The following SCUBE3 variants were observed in gnomAD, a reference collection of about 807,000 sequenced individuals.
SCUBE3 encodes signal peptide, CUB and EGF-like domain-containing protein 3.
In SCUBE3, 33 loss-of-function variants were observed where a neutral mutation model predicts 116.8. The observed-to-expected ratio is 0.28, with a 90% CI of 0.21 to 0.38. The LOEUF is 0.38. Ranked by LOEUF, SCUBE3 falls within the 10% of genes least tolerant of loss-of-function variation. The pLI is 1.00. For synonymous variants in SCUBE3, 418 were observed against 496.9 expected, an observed-to-expected ratio of 0.84 and a Z score of 2.11; for missense variants, 1,007 against 1,324.8, an observed-to-expected ratio of 0.76 and a Z score of 3.72.
chr6:35,231,870 G>C lies in SCUBE3; in HGVS notation c.469+11G>C. Reference sequence around the variant, plus strand: ...TCCAGCGGCCAGAAGGTCAGCCCATGACCTGGGATGGCCCCATCCCTGCCC... The same window carrying C: ...TCCAGCGGCCAGAAGGTCAGCCCATCACCTGGGATGGCCCCATCCCTGCCC... On this transcript the variant is annotated intron_variant, in intron 4 of 21. Transcript: ENST00000274938. The surrounding 1 kb of genome is among the most constrained non-coding windows in gnomAD (Gnocchi z 4.2). The C allele has an allele frequency of 6.2e-7, 1 of 1,602,436 alleles. No individual in the cohort carries two copies. Among genetic ancestry groups the C allele is most frequent in the Non-Finnish European group, 8.5e-7 (1 of 1,171,426 alleles).
Position 35,241,352 on chromosome 6 carries a change from GGGAAAGGTGTGAGGT to G in SCUBE3, c.1195+94_1195+108del, listed in dbSNP as rs1784036291. On this transcript the variant is annotated intron_variant, in intron 10 of 21. Coordinates refer to ENST00000274938, the MANE Select transcript of SCUBE3 (RefSeq NM_152753.4). The surrounding 1 kb of genome is among the most constrained non-coding windows in gnomAD (Gnocchi z 4.1). ...CTGGAAAGCATAGAGTATCACATTG[GGGAAAGGTGTGAGGT>G]GGAAAGGGTGGAGAATGTAGCCATT... is the stretch of plus-strand genomic sequence containing the variant. 4.2e-6 allele frequency: 6 copies of G among 1,445,392 alleles called. No homozygotes were observed. In the Middle Eastern group the frequency reaches 5.5e-4, roughly 132 times the overall value. The allele number at this position is 1,445,392 out of a possible 1,614,324, so 89.5% of individuals were successfully genotyped here.
intron 12 of SCUBE3, 136 bp downstream of exon 12, chr6:35,242,046 C>G: frequency 1.2e-6 from 1 of 838,032 alleles, no homozygotes; most frequent in Non-Finnish European, 2.0e-6. Flanking sequence ...ACCCTGCTCC[C>G]TCACTCCCTC....
In SCUBE3 at chr6:35,241,081, C is replaced by T; in HGVS notation, c.1070-60C>T. 2.0e-6 allele frequency: 3 copies of T among 1,532,210 alleles called. No individual in the cohort carries two copies. The allele number at this position is 1,532,210 out of a possible 1,614,324, so 94.9% of individuals were successfully genotyped here. A position where few individuals can be genotyped will look rare whatever the true frequency, so the allele number is the denominator to read the frequency against. ...ACCAAAGGCCCTCACTCACTGCCTA[C>T]TCTCCGGCTCCTCCTCCAACTCCAT... On this transcript the variant is annotated intron_variant, in intron 9 of 21. Transcript: ENST00000274938. This position sits in a 1 kb window ranked among gnomAD's most constrained non-coding sequence, Gnocchi z 4.1.
At position 35,239,079 on chromosome 6, in the gene SCUBE3, C is replaced by T. The variant is rs1312830900; in HGVS notation, c.830-673C>T. Among the ~76,000 whole-genome samples the T allele has an allele frequency of 6.6e-6, 1 of 152,138 alleles. No homozygotes were observed. The highest frequency in any genetic ancestry group is 1.5e-5 in the Non-Finnish European group (1 of 68,006). Reference sequence around the variant, plus strand: ...GGGGAACTTGACCTCAGGAAGGAAGCCATTCACCAGCCCCCCTTTCCCTTA... The same window carrying T: ...GGGGAACTTGACCTCAGGAAGGAAGTCATTCACCAGCCCCCCTTTCCCTTA... On this transcript the variant is annotated intron_variant, in intron 7 of 21. Coordinates refer to ENST00000274938, the MANE Select transcript of SCUBE3 (RefSeq NM_152753.4). This position sits in a 1 kb window ranked among gnomAD's most constrained non-coding sequence, Gnocchi z 4.1.
chr6:35,235,533 G>C lies in SCUBE3; in HGVS notation c.712+2232G>C. Reference sequence around the variant, plus strand: ...TCTCTCCGCTTGCTCTCACTGGCTTGCTAGGGGAAGGGCTAACCCGCTGGG... The same window carrying C: ...TCTCTCCGCTTGCTCTCACTGGCTTCCTAGGGGAAGGGCTAACCCGCTGGG... On this transcript the variant is annotated intron_variant, in intron 6 of 21. Coordinates refer to ENST00000274938, the MANE Select transcript of SCUBE3 (RefSeq NM_152753.4). The surrounding 1 kb of genome is among the most constrained non-coding windows in gnomAD (Gnocchi z 4.5). The C allele has an allele frequency of 8.4e-7, 1 of 1,188,734 alleles. No individual in the cohort carries two copies. The highest frequency in any genetic ancestry group is 1.1e-6 in the Non-Finnish European group (1 of 896,558). 73.6% of individuals were successfully genotyped at this position (1,188,734 alleles called of 1,614,324 possible). A position where few individuals can be genotyped will look rare whatever the true frequency, so the allele number is the denominator to read the frequency against.
At chr6:35,242,416 A>G in intron 13 of SCUBE3, 96 bp downstream of exon 13, 1 of 1,011,274 alleles carries the variant, frequency 9.9e-7, no homozygotes, top group Non-Finnish European at 1.6e-6. Flanking sequence ...CAGAACCCTG[A>G]ACTCTAGGCA....
intron 14 of SCUBE3, 25 bp from the exon 15 acceptor site, chr6:35,242,996 G>C: frequency 6.2e-7 from 1 of 1,609,620 alleles, no homozygotes; most frequent in South Asian, 1.1e-5. Flanking sequence ...TCTCCTCCCT[G>C]ATACACACGG....
At chr6:35,248,219 C>T (rs1323844211) in intron 21 of SCUBE3, among the ~76,000 whole-genome samples, 1 of 152,162 alleles carries the variant, frequency 6.6e-6, no homozygotes, top group East Asian at 1.9e-4. Context: ...TACTCCAAGT[C>T]AGAGACAGTG....
chr6:35,239,574 A>G lies in SCUBE3; in HGVS notation c.830-178A>G, dbSNP rs531096864. On this transcript the variant is annotated intron_variant, in intron 7 of 21. Coordinates refer to ENST00000274938, the MANE Select transcript of SCUBE3 (RefSeq NM_152753.4). The surrounding 1 kb of genome is among the most constrained non-coding windows in gnomAD (Gnocchi z 4.1). ...CCCTGAACAGGGAAGAAACAGAGACAGGAAAGAGAGAGAGAGACAGGAAAG... is the reference window on the plus strand; with the variant it reads ...CCCTGAACAGGGAAGAAACAGAGACGGGAAAGAGAGAGAGAGACAGGAAAG... Among the ~76,000 whole-genome samples the G allele has an allele frequency of 6.6e-6, 1 of 152,304 alleles. No individual in the cohort carries two copies. The highest frequency in any genetic ancestry group is 2.1e-4 in the South Asian group (1 of 4,826).
rs1424341703 is a variant in SCUBE3 at position 35,232,451 on chromosome 6, T to A, written c.470-399T>A. Among the ~76,000 whole-genome samples, 93 of 152,228 alleles carry A rather than the reference T, an allele frequency of 6.1e-4. 1 individual carries two copies. In the South Asian group the frequency reaches 0.019, roughly 31 times the overall value. Reference sequence around the variant, plus strand: ...CTCTCATTGTAGATCTGATTGCTACTGATCTTCTTCCCAGTTTGACTGTAA... The same window carrying A: ...CTCTCATTGTAGATCTGATTGCTACAGATCTTCTTCCCAGTTTGACTGTAA... On this transcript the variant is annotated intron_variant, in intron 4 of 21. Coordinates refer to ENST00000274938, the MANE Select transcript of SCUBE3 (RefSeq NM_152753.4). This position sits in a 1 kb window ranked among gnomAD's most constrained non-coding sequence, Gnocchi z 4.2.
rs983595085 is a variant in SCUBE3, at chr6:35,218,099, A to G, written c.85+3596A>G. Reference sequence around the variant, plus strand: ...AGAAGACAGTCATCAGCAGCCCTCAAATGAGATTGTTTTTTGAAACCTTCA... The same window carrying G: ...AGAAGACAGTCATCAGCAGCCCTCAGATGAGATTGTTTTTTGAAACCTTCA... On this transcript the variant is annotated intron_variant, in intron 1 of 21. Coordinates refer to ENST00000274938, the MANE Select transcript of SCUBE3 (RefSeq NM_152753.4). The G allele has an allele frequency of 4.3e-5, 42 of 983,536 alleles. No individual in the cohort carries two copies. The Admixed American group carries it at 1.1e-3, about 26-fold the overall frequency. 60.9% of individuals were successfully genotyped at this position (983,536 alleles called of 1,614,324 possible). A position where few individuals can be genotyped will look rare whatever the true frequency, so the allele number is the denominator to read the frequency against.
At chr6:35,234,264 C>A (rs1307622424) in intron 6 of SCUBE3, among the ~76,000 whole-genome samples, 2 of 152,286 alleles carry the variant, frequency 1.3e-5, no homozygotes, top group East Asian at 3.9e-4. Context: ...TTATGAATGA[C>A]TGTCCATCTG....
rs1434090832 is a variant in SCUBE3, at chr6:35,252,425, A to G, written c.*3720A>G. The G allele has an allele frequency of 6.6e-6, 1 of 152,158 alleles. No homozygotes were observed. Among genetic ancestry groups the G allele is most frequent in the African/African-American group, 2.4e-5 (1 of 41,430 alleles). The allele number at this position is 152,158 out of a possible 1,614,324, so 9.4% of individuals were successfully genotyped here. On this transcript the variant is annotated 3_prime_UTR_variant, in exon 22 of 22. Coordinates refer to ENST00000274938, the MANE Select transcript of SCUBE3 (RefSeq NM_152753.4). The stretch of plus-strand genomic sequence containing the variant: ...TATATGAGAAGTGTTCTCTATATAC[A>G]TGTTTGAGGTGACTCTGGAATGGAT...
At chr6:35,227,820 G>C (rs1783389012) in intron 2 of SCUBE3, 118 bp downstream of exon 2, 9 of 1,090,970 alleles carry the variant, frequency 8.2e-6, no homozygotes, top group Non-Finnish European at 1.2e-5. Context: ...TGGTCAAGTG[G>C]TGGGGGGGTG....
chr6:35,242,613 C>A lies in SCUBE3; in HGVS notation c.1535-9C>A, dbSNP rs757816540. 1 of 1,602,322 alleles carries A rather than the reference C, an allele frequency of 6.2e-7. No individual in the cohort carries two copies. The highest frequency in any genetic ancestry group is 1.7e-5 in the Admixed American group (1 of 59,698). ...GATGTCCCTGGGGTTGACAAGCCCT[C>A]TCTCCCAGGTGGTGCCCCCTGCTCT... On this transcript the variant is annotated splice_polypyrimidine_tract_variant and intron_variant, in intron 13 of 21. Transcript: ENST00000274938.
chr6:35,239,668 C>G lies in SCUBE3; in HGVS notation c.830-84C>G. 1 of 1,327,120 alleles carries G rather than the reference C, an allele frequency of 7.5e-7. No homozygotes were observed. The highest frequency in any genetic ancestry group is 1.1e-6 in the Non-Finnish European group (1 of 945,544). 82.2% of individuals were successfully genotyped at this position (1,327,120 alleles called of 1,614,324 possible). A position where few individuals can be genotyped will look rare whatever the true frequency, so the allele number is the denominator to read the frequency against. On this transcript the variant is annotated intron_variant, in intron 7 of 21. Coordinates refer to ENST00000274938, the MANE Select transcript of SCUBE3 (RefSeq NM_152753.4). This position sits in a 1 kb window ranked among gnomAD's most constrained non-coding sequence, Gnocchi z 4.1. ...AGGACTCCTTGATTTTTGCATGTCT[C>G]TGTCAGTGAGGGAGGGATCTTTCTC... is the stretch of plus-strand genomic sequence containing the variant.
intron 3 of SCUBE3, among the ~76,000 whole-genome samples, chr6:35,229,754 T>C (rs1003295493): frequency 6.6e-5 from 10 of 152,172 alleles, no homozygotes; most frequent in African/African-American, 2.4e-4. Flanking sequence ...AGTCAGACTC[T>C]TCCCCAAGCA....
Position 35,228,801 on chromosome 6 carries a change from A to G in SCUBE3, c.334+62A>G. The G allele has an allele frequency of 1.3e-6, 2 of 1,535,842 alleles. No individual in the cohort carries two copies. Among genetic ancestry groups the G allele is most frequent in the Admixed American group, 3.4e-5 (2 of 59,612 alleles). The stretch of plus-strand genomic sequence containing the variant: ...TTGTGGAGAAAGAGATCTTTTCAGC[A>G]TTTCCTATTTCCCAGGGAAGGAGGA... On this transcript the variant is annotated intron_variant, in intron 3 of 21. Coordinates refer to ENST00000274938, the MANE Select transcript of SCUBE3 (RefSeq NM_152753.4). The surrounding 1 kb of genome is among the most constrained non-coding windows in gnomAD (Gnocchi z 4.9).
In SCUBE3 at chr6:35,245,289, G is replaced by A. The variant is rs757168607; in HGVS notation, c.2463G>A (p.Pro821=). ...FTGYIESPNY[P]GNYPAGVECI... ...GCTATATTGAGTCCCCCAACTACCC[G>A]GGCAACTACCCAGCTGGTGTGGAGT... Residue 821 remains proline, a synonymous_variant, in exon 19 of 22, where the codon CCG becomes CCA. Transcript: ENST00000274938. This position sits in a 1 kb window ranked among gnomAD's most constrained non-coding sequence, Gnocchi z 4.2. 102 of 1,613,942 alleles carry A rather than the reference G, an allele frequency of 6.3e-5. No homozygotes were observed. Among genetic ancestry groups the A allele is most frequent in the Non-Finnish European group, 6.9e-5 (82 of 1,180,028 alleles).
Sources: gnomAD v4.1 joint callset for allele counts (sites outside exome capture counted in the v4.1 genomes callset) on GRCh38, gnomAD v4.1.1 for gene constraint, Gnocchi (gnomAD v3.1) non-coding constraint, MANE v1.5 for transcripts, NCBI Gene and HGNC (gene_info 2026-07-23, HGNC 2026-07-21) for gene names.